The following PRDM9 variants were observed in gnomAD, a reference collection of about 807,000 sequenced individuals.
PRDM9 encodes the protein histone-lysine N-methyltransferase PRDM9.
In PRDM9, 47 loss-of-function variants were observed where a neutral mutation model predicts 55.6. The ratio of observed to expected loss-of-function variants is 0.85; its 90% CI spans 0.67 to 1.08. PRDM9 has a LOEUF of 1.08. Ranked by LOEUF, PRDM9 falls within the 50% of genes least tolerant of loss-of-function variation. The pLI, the probability that PRDM9 is intolerant of heterozygous loss-of-function variation, is 0.00. For synonymous variants in PRDM9, 312 were observed against 375.7 expected (o/e 0.83, Z 1.96); for missense variants, 867 against 1,040.3 (o/e 0.83, Z 2.29).
intron 2 of PRDM9, 71 bp downstream of exon 2, chr5:23,509,173 C>T: frequency 1.9e-6 from 3 of 1,585,548 alleles, no homozygotes; most frequent in East Asian, 4.5e-5. Flanking sequence ...GACTCCTGGC[C>T]TGTACCCTTG....
At chr5:23,524,105 G>A (rs1240473711) in intron 9 of PRDM9, among the ~76,000 whole-genome samples, 1 of 152,162 alleles carries the variant, frequency 6.6e-6, no homozygotes, top group East Asian at 1.9e-4. Flanking sequence ...GGTTGATTAG[G>A]CATGGCAGGG....
Position 23,513,874 on chromosome 5 carries a change from G to A in PRDM9, c.301+3847G>A, listed in dbSNP as rs1455268127. ...AGCCTGGGCAACAGAACGAGACGCC[G>A]TGTCAAAACAAAAACAAAAACAAAA... On this transcript the variant is annotated intron_variant, in intron 4 of 10. Transcript: ENST00000296682. 9.9e-5 allele frequency among the ~76,000 whole-genome samples: 15 copies of A among 151,970 alleles called. No individual in the cohort carries two copies. The East Asian group carries it at 1.2e-3, about 12-fold the overall frequency.
chr5:23,521,193 T>A lies in PRDM9; in HGVS notation c.508+14T>A. Reference sequence around the variant, plus strand: ...GACTAAAACTGGGTAAGAAAAAATATTTGCGGGGACTTTAGTCCCTCTATG... The same window carrying A: ...GACTAAAACTGGGTAAGAAAAAATAATTGCGGGGACTTTAGTCCCTCTATG... On this transcript the variant is annotated intron_variant, in intron 6 of 10. Transcript: ENST00000296682. 2 of 1,612,286 alleles carry A rather than the reference T, an allele frequency of 1.2e-6. No individual in the cohort carries two copies. Among genetic ancestry groups the A allele is most frequent in the Admixed American group, 1.7e-5 (1 of 60,012 alleles).
At chr5:23,513,650 G>A (rs1739143587) in intron 4 of PRDM9, among the ~76,000 whole-genome samples, 1 of 152,024 alleles carries the variant, frequency 6.6e-6, no homozygotes, top group African/African-American at 2.4e-5. Flanking sequence ...GGTAGGCCGA[G>A]GCAGGTGGAT....
intron 4 of PRDM9, among the ~76,000 whole-genome samples, chr5:23,513,931 T>G: frequency 6.6e-6 from 1 of 152,072 alleles, no homozygotes; most frequent in East Asian, 1.9e-4. Flanking sequence ...TTACCCACTC[T>G]GTTACATTCT....
At chr5:23,520,726 C>T (rs182712740) in intron 5 of PRDM9, among the ~76,000 whole-genome samples, 6 of 152,100 alleles carry the variant, frequency 3.9e-5, no homozygotes, top group African/African-American at 9.7e-5. Flanking sequence ...GCCCTTACCC[C>T]CTTCTTTCAC....
rs748950749 is a variant in PRDM9 at position 23,526,911 on chromosome 5, A to G, written c.1823A>G (p.Tyr608Cys). The change falls in exon 11 of 11, where the codon TAT (tyrosine) becomes TGT (cysteine). Residue 608 changes from tyrosine to cysteine, a missense_variant. This residue lies in a region of PRDM9 where 27 missense variants were observed against 50.0 expected (regional missense o/e 0.54). Coordinates refer to ENST00000296682, the MANE Select transcript of PRDM9 (RefSeq NM_020227.4). Reference sequence around the variant, plus strand: ...AGGACACACACAGGGGAGAAGCCCTATGTCTGCAGGGAGTGTGGGCGGGGC... The same window carrying G: ...AGGACACACACAGGGGAGAAGCCCTGTGTCTGCAGGGAGTGTGGGCGGGGC... ...HQRTHTGEKP[Y>C]VCRECGRGFS... The G allele has an allele frequency of 2.5e-6, 4 of 1,599,004 alleles. No homozygotes were observed. The highest frequency in any genetic ancestry group is 1.4e-5 in the African/African-American group (1 of 69,540).
At position 23,524,468 on chromosome 5, in the gene PRDM9, G is replaced by A. The variant is rs757065734; in HGVS notation, c.1085G>A (p.Gly362Asp). Reference sequence around the variant, plus strand: ...CTGGTCTGGTATGGGGATGAATACGGCCAGGAACTGGGCATCAAGTGGGGC... The same window carrying A: ...CTGGTCTGGTATGGGGATGAATACGACCAGGAACTGGGCATCAAGTGGGGC... Reference protein sequence around the residue: ...ELLVWYGDEYGQELGIKWGSK... With the variant: ...ELLVWYGDEYDQELGIKWGSK... Residue 362 changes from glycine to aspartate, a missense_variant, in exon 10 of 11, where the codon GGC becomes GAC. This residue lies in a region of PRDM9 where 662 missense variants were observed against 711.9 expected (regional missense o/e 0.93). Transcript: ENST00000296682. 2 of 1,613,936 alleles carry A rather than the reference G, an allele frequency of 1.2e-6. No homozygotes were observed. Among genetic ancestry groups the A allele is most frequent in the South Asian group, 2.2e-5 (2 of 91,072 alleles).
At position 23,527,902 on chromosome 5, in the gene PRDM9, A is replaced by G. The variant is rs1739513332; in HGVS notation, c.*129A>G. On this transcript the variant is annotated 3_prime_UTR_variant, in exon 11 of 11. Transcript: ENST00000296682. Reference sequence around the variant, plus strand: ...GACCCCTTATATTCCCCGAGAGTATAAAGAGATCGGAAATAACTGATTAAA... The same window carrying G: ...GACCCCTTATATTCCCCGAGAGTATGAAGAGATCGGAAATAACTGATTAAA... 3 of 1,177,288 alleles carry G rather than the reference A, an allele frequency of 2.5e-6. No homozygotes were observed. Among genetic ancestry groups the G allele is most frequent in the Non-Finnish European group, 3.7e-6 (3 of 811,198 alleles). The allele number at this position is 1,177,288 out of a possible 1,614,324, so 72.9% of individuals were successfully genotyped here. A position where few individuals can be genotyped will look rare whatever the true frequency, so the allele number is the denominator to read the frequency against.
In PRDM9 at chr5:23,522,610, C is replaced by A. The variant is rs1209920071; in HGVS notation, c.611-4C>A. 4.3e-6 allele frequency: 7 copies of A among 1,614,118 alleles called. No homozygotes were observed. The highest frequency in any genetic ancestry group is 5.9e-6 in the Non-Finnish European group (7 of 1,180,054). ...TTCCTAATCTCTGCTTCCCTCACTT[C>A]CAGATTGTGAGATGTGTCAGAACTT... On this transcript the variant is annotated splice_region_variant and splice_polypyrimidine_tract_variant and intron_variant, in intron 7 of 10. Coordinates refer to ENST00000296682, the MANE Select transcript of PRDM9 (RefSeq NM_020227.4).
Position 23,509,549 on chromosome 5 carries a change from G to T in PRDM9, c.149G>T (p.Arg50Leu), listed in dbSNP as rs772688836. 14 of 1,614,040 alleles carry T rather than the reference G, an allele frequency of 8.7e-6. No individual in the cohort carries two copies. The highest frequency in any genetic ancestry group is 5.5e-5 in the South Asian group (5 of 91,090). The change falls in exon 3 of 11, where the codon CGC becomes CTC. Residue 50 changes from arginine (R) to leucine (L), a missense_variant. Arg to Leu is a moderately radical substitution (Grantham distance 102). This residue lies in a region of PRDM9 where 662 missense variants were observed against 711.9 expected (regional missense o/e 0.93). Coordinates refer to ENST00000296682, the MANE Select transcript of PRDM9 (RefSeq NM_020227.4). ...GAGATGGGAGACTGGGAGAAAACTC[G>T]CTATAGGAATGTGAAAAGGAACTAT... ...WAEMGDWEKT[R>L]YRNVKRNYNA...
In PRDM9 at chr5:23,527,392, GAC is replaced by G. The variant is rs1435939218; in HGVS notation, c.2312_2313del (p.Thr771ArgfsTer15). On this transcript the variant is annotated frameshift_variant, in exon 11 of 11. Coordinates refer to ENST00000296682, the MANE Select transcript of PRDM9 (RefSeq NM_020227.4). LOFTEE classifies it low-confidence loss of function (END_TRUNC). ...DKSHLLRHQR[T>X]HTGEKPYVCR... ...AGTCACACCTCCTCAGACACCAGAG[GAC>G]ACACACAGGGGAGAAGCCCTATGTC... 1.3e-6 allele frequency: 2 copies of G among 1,584,842 alleles called. No individual in the cohort carries two copies. The highest frequency in any genetic ancestry group is 3.1e-5 in the African/African-American group (2 of 65,360).
At position 23,510,023 on chromosome 5, in the gene PRDM9, G is replaced by C; in HGVS notation, c.297G>C (p.Gln99His). Residue 99 changes from glutamine to histidine, a missense_variant, in exon 4 of 11, where the codon CAG (glutamine) becomes CAC (histidine). Transcript: ENST00000296682. ...EDSDEEWTPR[Q>H]QVKPPWMALR... Reference sequence around the variant, plus strand: ...CTGATGAAGAATGGACCCCTAGGCAGCAAGGTAAGAGGGAAGGGAAGTAGG... The same window carrying C: ...CTGATGAAGAATGGACCCCTAGGCACCAAGGTAAGAGGGAAGGGAAGTAGG... 6.3e-7 allele frequency: 1 copy of C among 1,590,298 alleles called. No homozygotes were observed. The highest frequency in any genetic ancestry group is 8.6e-7 in the Non-Finnish European group (1 of 1,159,322).
In PRDM9 at chr5:23,523,264, C is replaced by A. The variant is rs769186196; in HGVS notation, c.883-27C>A. On this transcript the variant is annotated intron_variant, in intron 8 of 10. Coordinates refer to ENST00000296682, the MANE Select transcript of PRDM9 (RefSeq NM_020227.4). Reference sequence around the variant, plus strand: ...CTTCTGATTTTTACCCTCTAAAAAGCCTTTGCCTTGTTTTTCTGAAACTCA... The same window carrying A: ...CTTCTGATTTTTACCCTCTAAAAAGACTTTGCCTTGTTTTTCTGAAACTCA... The A allele has an allele frequency of 2.1e-5, 33 of 1,603,438 alleles. No homozygotes were observed. The East Asian group carries it at 6.0e-4, about 29-fold the overall frequency.
Position 23,527,676 on chromosome 5 carries a change from G to T in PRDM9, c.2588G>T (p.Arg863Met). ...ACAGGGGAGAAGCCCTACGTCTGCA[G>T]GGAGTGTGGGCGGGGCTTTAGCGAT... The part of the protein sequence containing the change: ...THTGEKPYVC[R>M]ECGRGFSDRS... The change falls in exon 11 of 11, where the codon AGG (arginine) becomes ATG (methionine). Residue 863 changes from arginine to methionine, a missense_variant. Transcript: ENST00000296682. 1.3e-6 allele frequency: 2 copies of T among 1,584,396 alleles called. No individual in the cohort carries two copies. The highest frequency in any genetic ancestry group is 1.7e-6 in the Non-Finnish European group (2 of 1,164,254).
intron 4 of PRDM9, among the ~76,000 whole-genome samples, chr5:23,511,621 C>G (rs1030110610): frequency 5.3e-5 from 8 of 152,154 alleles, no homozygotes; most frequent in African/African-American, 1.9e-4. Context: ...GCTGGAATTA[C>G]AGACATGAGC....
At chr5:23,522,141 G>T (rs1429326934) in intron 6 of PRDM9, among the ~76,000 whole-genome samples, 163 bp from the exon 7 acceptor site, 1 of 152,186 alleles carries the variant, frequency 6.6e-6, no homozygotes, top group East Asian at 1.9e-4. Flanking sequence ...CAGTCAGTGT[G>T]GGTGTGGGGT....
chr5:23,520,364 CAAA>C (rs59333354), intron 5 of PRDM9, among the ~76,000 whole-genome samples: 16 of 44,588 alleles, frequency 3.6e-4, no homozygotes, highest in Non-Finnish European at 6.6e-4. Flanking sequence ...GACTCCTTCT[CAAA>C]AAAAAAAAAA....
At chr5:23,519,026 T>TA (rs1739275087) in intron 5 of PRDM9, among the ~76,000 whole-genome samples, 1 of 152,186 alleles carries the variant, frequency 6.6e-6, no homozygotes, top group Non-Finnish European at 1.5e-5. Context: ...ATCAGGACTA[T>TA]GAGATAATTT....
Sources: allele counts gnomAD v4.1 joint callset (sites outside exome capture counted in the v4.1 genomes callset), GRCh38; gene constraint gnomAD v4.1.1; regional missense constraint gnomAD v4.1.1; transcripts MANE v1.5; gene names NCBI Gene and HGNC (gene_info 2026-07-23, HGNC 2026-07-21).